KCNQ5: variants seen among roughly 807,000 people sequenced by gnomAD.
The protein encoded by KCNQ5 is potassium voltage-gated channel subfamily Q member 5.
A neutral mutation model predicts 98.2 loss-of-function variants in KCNQ5; 30 were observed. The ratio of observed to expected loss-of-function variants is 0.31; its 90% confidence interval spans 0.23 to 0.41. The LOEUF (loss-of-function observed/expected upper bound fraction) is 0.41. Among genes scored for constraint, KCNQ5 ranks in the 10% least tolerant of loss-of-function variants. KCNQ5 has a pLI of 1.00. For synonymous variants in KCNQ5, 458 were observed against 449.4 expected (o/e 1.02, Z -0.24); for missense variants, 835 against 1,182.5 (o/e 0.71, Z 4.31).
intron 1 of KCNQ5, among the ~76,000 whole-genome samples, chr6:72,643,956 T>C (rs752341906): frequency 6.6e-6 from 1 of 152,134 alleles, no homozygotes; most frequent in African/African-American, 2.4e-5. Context: ...AAGGGAATAC[T>C]GCATCCTTTG....
At chr6:73,106,703 C>A (rs931054796) in intron 6 of KCNQ5, among the ~76,000 whole-genome samples, 1 of 152,222 alleles carries the variant, frequency 6.6e-6, no homozygotes, top group Admixed American at 6.5e-5. Context: ...CAAACAAGGT[C>A]ACATTCTGAG....
chr6:72,744,075 T>C (rs1771256864), intron 1 of KCNQ5, among the ~76,000 whole-genome samples: 1 of 151,612 alleles, frequency 6.6e-6, no homozygotes, highest in Non-Finnish European at 1.5e-5. Context: ...TGGTAAATCA[T>C]GCACTGGCAC....
At chr6:73,061,731 T>C (rs1772792282) in intron 3 of KCNQ5, among the ~76,000 whole-genome samples, 1 of 152,178 alleles carries the variant, frequency 6.6e-6, no homozygotes, top group African/African-American at 2.4e-5. Context: ...ATTTTAGTTG[T>C]AACTTTTCAA....
At chr6:72,899,637 C>T (rs1006620293) in intron 1 of KCNQ5, among the ~76,000 whole-genome samples, 3 of 151,998 alleles carry the variant, frequency 2.0e-5, no homozygotes, top group East Asian at 1.9e-4. Context: ...CTTTCTTTGA[C>T]GTTTTCGTCT....
rs1771709633 is a variant in KCNQ5 at position 72,752,009 on chromosome 6, G to T, written c.398+129422G>T. ...CATCTTTTGCCTTTTGTTTGTTTGG[G>T]GTTTGGATTTGGTTTTTGCTATACT... is the stretch of plus-strand genomic sequence containing the variant. On this transcript the variant is annotated intron_variant, in intron 1 of 13. Transcript: ENST00000370398. 3.9e-5 allele frequency among the ~76,000 whole-genome samples: 6 copies of T among 152,104 alleles called. No individual in the cohort carries two copies. In the South Asian group the frequency reaches 1.2e-3, roughly 32 times the overall value.
intron 1 of KCNQ5, among the ~76,000 whole-genome samples, chr6:72,984,859 T>A (rs949121988): frequency 3.9e-5 from 6 of 152,058 alleles, no homozygotes; most frequent in African/African-American, 9.7e-5. Flanking sequence ...ATCCCAACAA[T>A]TTTTTTTAAT....
At chr6:73,098,349 A>C (rs566209898) in intron 5 of KCNQ5, among the ~76,000 whole-genome samples, 2 of 152,196 alleles carry the variant, frequency 1.3e-5, no homozygotes, top group Admixed American at 1.3e-4. Context: ...GAGAAAGTTT[A>C]TTCAAAGGGA....
At chr6:72,650,579 T>G (rs993037687) in intron 1 of KCNQ5, among the ~76,000 whole-genome samples, 2 of 152,156 alleles carry the variant, frequency 1.3e-5, no homozygotes, top group African/African-American at 4.8e-5. Context: ...AAAATCCATT[T>G]AAAAGCGAAA....
intron 1 of KCNQ5, among the ~76,000 whole-genome samples, chr6:72,886,552 G>T (rs1053023739): frequency 6.6e-6 from 1 of 152,092 alleles, no homozygotes; most frequent in African/African-American, 2.4e-5. Flanking sequence ...TTCCAGAATT[G>T]AAGAGAAACA....
intron 1 of KCNQ5, among the ~76,000 whole-genome samples, chr6:72,701,471 A>G (rs112731012): frequency 0.015 from 2,289 of 152,340 alleles, 58 homozygotes; most frequent in African/African-American, 0.052. Context: ...TGTTAATTTT[A>G]TAAATAGATA....
chr6:72,766,098 A>G lies in KCNQ5; in HGVS notation c.398+143511A>G, dbSNP rs148344172. Among the ~76,000 whole-genome samples the G allele has an allele frequency of 2.0e-5, 3 of 152,150 alleles. No individual in the cohort carries two copies. In the East Asian group the frequency reaches 5.8e-4, roughly 29 times the overall value. On this transcript the variant is annotated intron_variant, in intron 1 of 13. Transcript: ENST00000370398. ...TTAAGAGTGATGGGTCTAATTTTAGATAGGATGGTCAGGGAAGACTTCTGC... is the reference window on the plus strand; with the variant it reads ...TTAAGAGTGATGGGTCTAATTTTAGGTAGGATGGTCAGGGAAGACTTCTGC...
At chr6:73,036,385 C>CAAA (rs70994156) in intron 2 of KCNQ5, among the ~76,000 whole-genome samples, 18 of 78,550 alleles carry the variant, frequency 2.3e-4, no homozygotes, top group African/African-American at 6.7e-4. Context: ...GACTCTGTCT[C>CAAA]AAAAAAAAAA....
intron 11 of KCNQ5, among the ~76,000 whole-genome samples, chr6:73,183,637 A>T (rs1177068539): frequency 6.6e-6 from 1 of 152,112 alleles, no homozygotes; most frequent in Non-Finnish European, 1.5e-5. Flanking sequence ...AATACTAAAT[A>T]CTCAGAGATG....
chr6:73,016,384 G>A (rs983217185), intron 2 of KCNQ5, among the ~76,000 whole-genome samples: 8 of 152,072 alleles, frequency 5.3e-5, no homozygotes, highest in Admixed American at 4.6e-4. Flanking sequence ...GAGAAAATGA[G>A]GCACCAGTTG....
intron 1 of KCNQ5, among the ~76,000 whole-genome samples, chr6:72,858,491 T>C (rs1777621922): frequency 1.3e-5 from 2 of 151,680 alleles, no homozygotes; most frequent in Admixed American, 6.6e-5. Flanking sequence ...TATATTTATA[T>C]TTTTCCAATA....
At chr6:72,917,833 C>T (rs79130205) in intron 1 of KCNQ5, among the ~76,000 whole-genome samples, 2,257 of 152,102 alleles carry the variant, frequency 0.015, 54 homozygotes, top group African/African-American at 0.051. Context: ...AGAAGCCTGC[C>T]GCCCACTCCC....
chr6:72,830,554 C>A (rs1038643465), intron 1 of KCNQ5, among the ~76,000 whole-genome samples: 2 of 152,108 alleles, frequency 1.3e-5, no homozygotes, highest in African/African-American at 4.8e-5. Flanking sequence ...AAACTGGATC[C>A]CTTCCTTACA....
intron 1 of KCNQ5, among the ~76,000 whole-genome samples, chr6:72,769,564 T>C (rs1249785267): frequency 6.6e-6 from 1 of 151,920 alleles, no homozygotes; most frequent in Non-Finnish European, 1.5e-5. Flanking sequence ...GCTGATTCCA[T>C]GTGCAGCCAG....
At chr6:73,124,980 T>C (rs1249113064) in intron 9 of KCNQ5, among the ~76,000 whole-genome samples, 6 of 22,834 alleles carry the variant, frequency 2.6e-4, no homozygotes, top group South Asian at 1.7e-3. Context: ...TATATATATA[T>C]ACACACACAC....
Sources: gnomAD v4.1 joint callset for allele counts (sites outside exome capture counted in the v4.1 genomes callset) on GRCh38, gnomAD v4.1.1 for gene constraint, MANE v1.5 for transcripts, NCBI Gene and HGNC (gene_info 2026-07-23, HGNC 2026-07-21) for gene names.